The following FAAP20 variants were observed in gnomAD, a reference collection of about 807,000 sequenced individuals.
The protein encoded by FAAP20 is FA core complex associated protein 20, also known as Fanconi anemia core complex-associated protein 20.
A neutral mutation model predicts 16.2 loss-of-function variants in FAAP20; 12 were observed. The ratio of observed to expected loss-of-function variants is 0.74; its 90% CI spans 0.48 to 1.20. FAAP20 has a LOEUF of 1.20. Among genes scored for constraint, FAAP20 ranks in the 50% most tolerant of loss-of-function variants. FAAP20 has a pLI of 0.00. For missense variants in FAAP20, 288 were observed against 245.8 expected (o/e 1.17, Z -1.15); for synonymous variants, 141 against 110.7 (o/e 1.27, Z -1.72).
At chr1:2,188,970 A>C (rs867492583), downstream of FAAP20, among the ~76,000 whole-genome samples, 6 of 145,034 alleles carry the variant, frequency 4.1e-5, no homozygotes, top group African/African-American at 5.2e-5. Flanking sequence ...GCGCCACTGC[A>C]CTCCAGCCTG....
chr1:2,205,746 C>A (rs573422253), intron 3 of FAAP20, among the ~76,000 whole-genome samples: 1 of 152,366 alleles, frequency 6.6e-6, no homozygotes, highest in South Asian at 2.1e-4. Flanking sequence ...AGTGGCGCGC[C>A]CGGGGACTGG....
chr1:2,194,710 G>T lies in FAAP20; in HGVS notation c.40C>A (p.Arg14=), dbSNP rs1354466402. 8.5e-7 allele frequency: 1 copy of T among 1,173,968 alleles called. No individual in the cohort carries two copies. Among genetic ancestry groups the T allele is most frequent in the South Asian group, 4.1e-5 (1 of 24,602 alleles). 72.7% of individuals were successfully genotyped at this position (1,173,968 alleles called of 1,614,324 possible). The change falls in exon 1 of 4, where the codon CGG becomes AGG. Residue 14 remains arginine (R), a synonymous_variant. Coordinates refer to ENST00000378546, the MANE Select transcript of FAAP20 (RefSeq NM_182533.4). ...CACCCGCCCGCCGGGCGCGGCCTCC[G>T]GCGGCTCAACCCCAGCCGCGGCCTC... ...ARRPRLGLSR[R]RPRPAGGPSG...
Position 2,194,136 on chromosome 1 carries a change from G to C in FAAP20, c.63-3C>G, listed in dbSNP as rs754321982. 1 of 1,612,068 alleles carries C rather than the reference G, an allele frequency of 6.2e-7. No individual in the cohort carries two copies. Among genetic ancestry groups the C allele is most frequent in the Non-Finnish European group, 8.5e-7 (1 of 1,179,810 alleles). On this transcript the variant is annotated splice_region_variant and splice_polypyrimidine_tract_variant and intron_variant, in intron 1 of 3. Transcript: ENST00000378546. ...ACCAGGGGCGGCCGCCAGAAGGCCT[G>C]GGGCAGACAGAGAGGGCAGACAGGG...
downstream of FAAP20, among the ~76,000 whole-genome samples, chr1:2,187,739 G>T (rs1687749459): frequency 6.6e-6 from 1 of 151,962 alleles, no homozygotes; most frequent in Admixed American, 6.6e-5. Context: ...CACAGGACAC[G>T]CTGCTCACAG....
At chr1:2,204,383 C>T (rs1381159300), upstream of FAAP20, among the ~76,000 whole-genome samples, 1 of 152,266 alleles carries the variant, frequency 6.6e-6, no homozygotes, top group Non-Finnish European at 1.5e-5. Flanking sequence ...CCTTCTGGGA[C>T]GTGCCCTGGG....
upstream of FAAP20, chr1:2,198,941 C>G (rs1557788649): frequency 7.8e-7 from 1 of 1,289,640 alleles, no homozygotes; most frequent in East Asian, 5.6e-5. Flanking sequence ...GCCTGGGAAA[C>G]ATCGCCAGAT....
chr1:2,194,763 G>C lies in FAAP20; in HGVS notation c.-14C>G, dbSNP rs1445079857. ...CGCCGCCTCCATCCAAGCCCGCGCC[G>C]GGCGGAAGTGAGCGCAAGCCCCGCC... is the stretch of plus-strand genomic sequence containing the variant. On this transcript the variant is annotated 5_prime_UTR_variant, in exon 1 of 4. Coordinates refer to ENST00000378546, the MANE Select transcript of FAAP20 (RefSeq NM_182533.4). The C allele has an allele frequency of 7.7e-6, 9 of 1,174,998 alleles. No individual in the cohort carries two copies. The highest frequency in any genetic ancestry group is 9.5e-6 in the Non-Finnish European group (9 of 952,304). 72.8% of individuals were successfully genotyped at this position (1,174,998 alleles called of 1,614,324 possible). A position where few individuals can be genotyped will look rare whatever the true frequency, so the allele number is the denominator to read the frequency against.
downstream of FAAP20, chr1:2,189,518 A>G (rs114075494): frequency 2.9e-3 from 1,788 of 619,328 alleles, 9 homozygotes; most frequent in South Asian, 3.8e-3. Flanking sequence ...TCTGCCCTAA[A>G]CCAAACGTCA....
At chr1:2,193,068 C>T in intron 3 of FAAP20, 1 of 1,232,044 alleles carries the variant, frequency 8.1e-7, no homozygotes, top group Non-Finnish European at 1.1e-6. Context: ...AAGTTACGAA[C>T]CAGCATCATT....
At chr1:2,208,817 T>A (rs1689357017), downstream of FAAP20, among the ~76,000 whole-genome samples, 3 of 152,202 alleles carry the variant, frequency 2.0e-5, no homozygotes, top group African/African-American at 4.8e-5. Context: ...TGTGCCAGGC[T>A]AGGGGTGGGA....
intron 3 of FAAP20, chr1:2,191,032 C>T (rs1688163399): frequency 6.5e-6 from 1 of 153,522 alleles, no homozygotes; most frequent in Non-Finnish European, 1.5e-5. Context: ...CTGGCAGAGC[C>T]CACCCAGTGC....
At chr1:2,187,045 G>A (rs1309024003), downstream of FAAP20, 1 of 370,070 alleles carries the variant, frequency 2.7e-6, no homozygotes, top group African/African-American at 2.2e-5. Flanking sequence ...TCTTTTGGAA[G>A]TGGTTCTCGA....
At chr1:2,185,048 C>T (rs964719346), downstream of FAAP20, 6 of 1,547,478 alleles carry the variant, frequency 3.9e-6, no homozygotes, top group Non-Finnish European at 4.4e-6. Flanking sequence ...CGTGATTGAC[C>T]CTTTAACTGT....
downstream of FAAP20, among the ~76,000 whole-genome samples, chr1:2,186,474 C>G (rs570763766): frequency 6.7e-6 from 1 of 149,962 alleles, no homozygotes; most frequent in African/African-American, 2.5e-5. Flanking sequence ...CCATTCCCCC[C>G]GGCCCGAGAC....
downstream of FAAP20, chr1:2,189,502 A>C: frequency 3.3e-6 from 2 of 605,262 alleles, no homozygotes; most frequent in Non-Finnish European, 6.0e-6. Context: ...ATTGCACTGC[A>C]GTGAATCTGC....
chr1:2,204,890 CT>C (rs1689181456), upstream of FAAP20, among the ~76,000 whole-genome samples: 1 of 103,776 alleles, frequency 9.6e-6, no homozygotes, highest in African/African-American at 7.0e-5. Context: ...ACGCCCCGCC[CT>C]CAAGCCCCGC....
chr1:2,194,900 G>A, upstream of FAAP20: 1 of 695,104 alleles, frequency 1.4e-6, no homozygotes, highest in Middle Eastern at 6.5e-4. Context: ...CAGCCTGTAG[G>A]GAAACTGAGG....
chr1:2,211,942 G>A (rs192209214), downstream of FAAP20, among the ~76,000 whole-genome samples: 98 of 124,204 alleles, frequency 7.9e-4, no homozygotes, highest in African/African-American at 2.7e-3. Flanking sequence ...TTGCTTTGTC[G>A]CCCAGGCTGG....
downstream of FAAP20, among the ~76,000 whole-genome samples, chr1:2,186,578 C>G (rs187116506): frequency 1.2e-4 from 18 of 149,504 alleles, no homozygotes; most frequent in East Asian, 3.6e-3. Context: ...TGTTGAGACT[C>G]AACTCCAAAG....
Sources: gnomAD v4.1 joint callset for allele counts (sites outside exome capture counted in the v4.1 genomes callset) on GRCh38, gnomAD v4.1.1 for gene constraint, MANE v1.5 for transcripts, NCBI Gene and HGNC (gene_info 2026-07-23, HGNC 2026-07-21) for gene names.